DAPK1: variants seen among roughly 807,000 people sequenced by gnomAD.
DAPK1 encodes death-associated protein kinase 1.
In DAPK1, 56 loss-of-function variants were observed where a neutral mutation model predicts 144.9. That is an observed-to-expected ratio of 0.39 (90% CI 0.31 to 0.48). The LOEUF is 0.48. DAPK1 is among the 20% of genes least tolerant of loss of function. The pLI, the probability that DAPK1 is intolerant of heterozygous loss-of-function variation, is 0.95. For synonymous variants in DAPK1, 690 were observed against 749.0 expected (o/e 0.92, Z 1.29); for missense variants, 1,454 against 1,875.4 (o/e 0.78, Z 4.15).
chr9:87,575,271 T>TGAAATGAAATGAAATGAAATG (rs1827511186), intron 2 of DAPK1, among the ~76,000 whole-genome samples: 1 of 131,422 alleles, frequency 7.6e-6, no homozygotes, highest in African/African-American at 2.8e-5. Flanking sequence ...TAAAATAAAA[T>TGAAATGAAATGAAATGAAATG]AAAGGTAAAA....
Position 87,677,101 on chromosome 9 carries a change from C to T in DAPK1, c.2002-4303C>T, listed in dbSNP as rs36217082. Among the ~76,000 whole-genome samples, 482 of 152,344 alleles carry T rather than the reference C, an allele frequency of 3.2e-3. 2 individuals are homozygous for T. The highest frequency in any genetic ancestry group is 0.011 in the African/African-American group (450 of 41,582). ...AGCATGAGCTGGAAGGCGCCGTGCA[C>T]GTGGAAGTTACTGCTGCAGACAGGA... On this transcript the variant is annotated intron_variant, in intron 19 of 25. Transcript: ENST00000408954.
chr9:87,506,189 C>T lies in DAPK1; in HGVS notation c.62+7050C>T, dbSNP rs564780557. On this transcript the variant is annotated intron_variant, in intron 2 of 25. Transcript: ENST00000408954. ...TTGGCAGTTTTCCATCTTTGAAAGCCAGATGAAGTTGATATTTAAGAGAGG... is the reference window on the plus strand; with the variant it reads ...TTGGCAGTTTTCCATCTTTGAAAGCTAGATGAAGTTGATATTTAAGAGAGG... 1.8e-3 allele frequency among the ~76,000 whole-genome samples: 279 copies of T among 152,320 alleles called. 2 individuals carry two copies. Among genetic ancestry groups the T allele is most frequent in the African/African-American group, 5.9e-3 (245 of 41,570 alleles).
intron 2 of DAPK1, among the ~76,000 whole-genome samples, chr9:87,505,064 G>C (rs374139542): frequency 2.6e-5 from 4 of 152,114 alleles, no homozygotes; most frequent in Non-Finnish European, 5.9e-5. Context: ...TTCCCTCCTA[G>C]CAGAGTTGTA....
rs774845679 is a variant in DAPK1, at chr9:87,706,095, C to G, written c.3061-37C>G. The G allele has an allele frequency of 5.2e-6, 8 of 1,529,158 alleles. No homozygotes were observed. Among genetic ancestry groups the G allele is most frequent in the Non-Finnish European group, 5.3e-6 (6 of 1,123,342 alleles). The allele number at this position is 1,529,158 out of a possible 1,614,324, so 94.7% of individuals were successfully genotyped here. On this transcript the variant is annotated intron_variant, in intron 25 of 25. Transcript: ENST00000408954. The surrounding 1 kb of genome is among the most constrained non-coding windows in gnomAD (Gnocchi z 9.0). ...GTGGCTGGTGCACCTGGCCAGGGCT[C>G]TGTCCCTAAGCGTGACTTTCTGTTG... is the stretch of plus-strand genomic sequence containing the variant.
intron 24 of DAPK1, 31 bp from the exon 25 acceptor site, chr9:87,702,998 G>A (rs1418522776): frequency 4.4e-6 from 5 of 1,127,992 alleles, no homozygotes; most frequent in Middle Eastern, 2.4e-4. Context: ...AGCTGCAGGT[G>A]AGTTAACCTG....
intron 21 of DAPK1, among the ~76,000 whole-genome samples, chr9:87,695,425 C>T (rs972291691): frequency 7.2e-5 from 11 of 152,210 alleles, no homozygotes; most frequent in Non-Finnish European, 1.2e-4. Flanking sequence ...GGTGGGCGGC[C>T]ACAGTCCTGG....
At chr9:87,625,070 G>A (rs1829442969) in intron 3 of DAPK1, among the ~76,000 whole-genome samples, 1 of 152,222 alleles carries the variant, frequency 6.6e-6, no homozygotes, top group African/African-American at 2.4e-5. Context: ...TTCAAATGGT[G>A]GAAGAATGAA....
At chr9:87,590,732 C>T (rs1828103794) in intron 2 of DAPK1, among the ~76,000 whole-genome samples, 2 of 152,118 alleles carry the variant, frequency 1.3e-5, no homozygotes, top group African/African-American at 2.4e-5. Flanking sequence ...GGAATACAGG[C>T]GTGTACCACA....
chr9:87,706,437 G>A lies in DAPK1; in HGVS notation c.3366G>A (p.Glu1122=), dbSNP rs773153008. Residue 1122 remains glutamate, a synonymous_variant, in exon 26 of 26, where the codon GAG becomes GAA. Transcript: ENST00000408954. The surrounding 1 kb of genome is among the most constrained non-coding windows in gnomAD (Gnocchi z 9.0). ...GCTCCTGGGCTGATGAGGAGGACGA[G>A]GTGATGGTGTATGGTGGCGTGCGCA... ...LHRSWADEED[E]VMVYGGVRIV... 13 of 1,613,726 alleles carry A rather than the reference G, an allele frequency of 8.1e-6. No individual in the cohort carries two copies. The highest frequency in any genetic ancestry group is 2.2e-5 in the East Asian group (1 of 44,864).
At chr9:87,693,339 C>T (rs2378754) in intron 21 of DAPK1, among the ~76,000 whole-genome samples, 116,754 of 151,368 alleles carry the variant, frequency 0.77, 46,136 homozygotes, top group East Asian at 0.98. Context: ...TGAAATTCTT[C>T]CTTCTGCTTG....
intron 2 of DAPK1, among the ~76,000 whole-genome samples, chr9:87,591,386 T>C (rs1220620213): frequency 6.6e-6 from 1 of 152,236 alleles, no homozygotes; most frequent in East Asian, 1.9e-4. Flanking sequence ...GATGGACATC[T>C]TGCATGATGT....
In DAPK1 at chr9:87,681,482, G is replaced by A. The variant is rs1361804437; in HGVS notation, c.2080G>A (p.Gly694Ser). The change falls in exon 20 of 26, where the codon GGC (glycine) becomes AGC (serine). Residue 694 changes from glycine to serine, a missense_variant. This residue lies in a region of DAPK1 where 1,025 missense variants were observed against 1,237.9 expected (regional missense o/e 0.83). Transcript: ENST00000408954. The part of the protein sequence containing the change: ...LQPRIKLKLF[G>S]HSGSGKTTLV... The stretch of plus-strand genomic sequence containing the variant: ...GCCAAGAATTAAGCTCAAGCTGTTT[G>A]GCCACTCGGGATCCGGGAAAACCAC... 6.2e-7 allele frequency: 1 copy of A among 1,613,438 alleles called. No individual in the cohort carries two copies. Among genetic ancestry groups the A allele is most frequent in the Non-Finnish European group, 8.5e-7 (1 of 1,179,458 alleles).
At chr9:87,692,191 T>A (rs889330158) in intron 21 of DAPK1, among the ~76,000 whole-genome samples, 7 of 152,110 alleles carry the variant, frequency 4.6e-5, no homozygotes, top group African/African-American at 1.7e-4. Context: ...TGTTTAGAAC[T>A]GTTATATCTT....
At position 87,706,542 on chromosome 9, in the gene DAPK1, C is replaced by T. The variant is rs774590407; in HGVS notation, c.3471C>T (p.His1157=). The T allele has an allele frequency of 1.4e-5, 22 of 1,613,948 alleles. No homozygotes were observed. Among genetic ancestry groups the T allele is most frequent in the Admixed American group, 1.0e-4 (6 of 60,010 alleles). ...KVQVNLCRWI[H]QQSTEGDADI... is the part of the protein sequence containing the mutation. The stretch of plus-strand genomic sequence containing the variant: ...AGGTGAACCTGTGCCGGTGGATCCA[C>T]CAGCAAAGCACAGAGGGCGACGCGG... Residue 1157 remains histidine (H), a synonymous_variant, in exon 26 of 26, where the codon CAC becomes CAT. Coordinates refer to ENST00000408954, the MANE Select transcript of DAPK1 (RefSeq NM_004938.4). This position sits in a 1 kb window ranked among gnomAD's most constrained non-coding sequence, Gnocchi z 9.0.
chr9:87,545,221 T>C (rs955011890), intron 2 of DAPK1, among the ~76,000 whole-genome samples: 1 of 152,152 alleles, frequency 6.6e-6, no homozygotes, highest in Non-Finnish European at 1.5e-5. Context: ...ATCTCCCCAA[T>C]TCTCCTTGCA....
At chr9:87,516,865 G>T (rs757379366) in intron 2 of DAPK1, among the ~76,000 whole-genome samples, 6 of 152,184 alleles carry the variant, frequency 3.9e-5, no homozygotes, top group Admixed American at 3.9e-4. Context: ...CAGGGTGCTG[G>T]CAGGGAACTG....
chr9:87,560,359 A>G (rs1010264619), intron 2 of DAPK1, among the ~76,000 whole-genome samples: 17 of 152,176 alleles, frequency 1.1e-4, no homozygotes, highest in African/African-American at 4.1e-4. Context: ...ATCACATAAC[A>G]TTACATTTAC....
At chr9:87,639,309 C>T in intron 4 of DAPK1, 45 bp from the exon 5 acceptor site, 1 of 1,521,790 alleles carries the variant, frequency 6.6e-7, no homozygotes, top group Non-Finnish European at 8.8e-7. Flanking sequence ...TTGTCCTCAG[C>T]ATAACATATC....
At chr9:87,563,623 T>A (rs1161547392) in intron 2 of DAPK1, among the ~76,000 whole-genome samples, 1 of 152,212 alleles carries the variant, frequency 6.6e-6, no homozygotes, top group Non-Finnish European at 1.5e-5. Context: ...CTGTCAAGCC[T>A]CCTGGAGGAT....
Sources: allele counts gnomAD v4.1 joint callset (sites outside exome capture counted in the v4.1 genomes callset), GRCh38; gene constraint gnomAD v4.1.1; regional missense constraint gnomAD v4.1.1; non-coding constraint Gnocchi (gnomAD v3.1); transcripts MANE v1.5; gene names NCBI Gene and HGNC (gene_info 2026-07-23, HGNC 2026-07-21).